PHF3: variants seen among roughly 807,000 people sequenced by gnomAD.
PHF3 encodes PHD finger protein 3.
A neutral mutation model predicts 178.4 loss-of-function variants in PHF3; 41 were observed. That is an observed-to-expected ratio of 0.23 (90% CI 0.18 to 0.30). PHF3 has a LOEUF of 0.30. PHF3 is among the 10% of genes least tolerant of loss of function. The pLI is 1.00. For synonymous variants in PHF3, 842 were observed against 800.5 expected (o/e 1.05, Z -0.88); for missense variants, 2,346 against 2,398.1 (o/e 0.98, Z 0.45).
At chr6:63,703,733 C>T in intron 11 of PHF3, 62 bp downstream of exon 11, 2 of 1,462,498 alleles carry the variant, frequency 1.4e-6, no homozygotes, top group Non-Finnish European at 1.9e-6. Flanking sequence ...TACTTAGATA[C>T]TAGTATATGT....
In PHF3 at chr6:63,673,691, C is replaced by T. The variant is rs146687607; in HGVS notation, c.245-6309C>T. 5.2e-3 allele frequency among the ~76,000 whole-genome samples: 784 copies of T among 152,228 alleles called. 11 individuals are homozygous for T. The highest frequency in any genetic ancestry group is 0.024 in the Middle Eastern group (7 of 294). On this transcript the variant is annotated intron_variant, in intron 2 of 15. Transcript: ENST00000262043. Reference sequence around the variant, plus strand: ...TGAAAAATCAAGGGGGCAGGGTACCCGCCTGAGACTGGAATGCCTCCCAGA... The same window carrying T: ...TGAAAAATCAAGGGGGCAGGGTACCTGCCTGAGACTGGAATGCCTCCCAGA...
rs972350395 is a variant in PHF3 at position 63,715,895 on chromosome 6, C to T, written c.*2187C>T. 6.6e-6 allele frequency among the ~76,000 whole-genome samples: 1 copy of T among 152,092 alleles called. No homozygotes were observed. Among genetic ancestry groups the T allele is most frequent in the African/African-American group, 2.4e-5 (1 of 41,430 alleles). The stretch of plus-strand genomic sequence containing the variant: ...CCAGGTACAACCAGCCTTACACAAA[C>T]TAGTGAATTACATGAATTTCATCTT... On this transcript the variant is annotated 3_prime_UTR_variant, in exon 16 of 16. Transcript: ENST00000262043.
chr6:63,685,073 T>G lies in PHF3; in HGVS notation c.1351T>G (p.Leu451Val), dbSNP rs755645412. Residue 451 changes from leucine (L) to valine (V), a missense_variant, in exon 4 of 16, where the codon TTG (leucine) becomes GTG (valine). Around this residue, in one of 8 missense-constraint regions of PHF3, gnomAD observed 843 missense variants for 795.2 expected, o/e 1.06. Coordinates refer to ENST00000262043, the MANE Select transcript of PHF3 (RefSeq NM_001370348.2). ...TGTGCCTGACCAAAATTCAAAACAG[T>G]TGAATGCTATAGAAAGTACTAAAAT... ...CDVPDQNSKQ[L>V]NAIESTKIES... 2 of 1,614,016 alleles carry G rather than the reference T, an allele frequency of 1.2e-6. No individual in the cohort carries two copies. The highest frequency in any genetic ancestry group is 1.1e-5 in the South Asian group (1 of 91,070).
chr6:63,713,793 T>C lies in PHF3; in HGVS notation c.*85T>C. On this transcript the variant is annotated 3_prime_UTR_variant, in exon 16 of 16. Transcript: ENST00000262043. ...ACAAAAGAAAGATTGCCTGCTAGGATTGTGCCATCTTTAAAATTTTTACTA... is the reference window on the plus strand; with the variant it reads ...ACAAAAGAAAGATTGCCTGCTAGGACTGTGCCATCTTTAAAATTTTTACTA... The C allele has an allele frequency of 8.6e-7, 1 of 1,168,084 alleles. No individual in the cohort carries two copies. Among genetic ancestry groups the C allele is most frequent in the Non-Finnish European group, 1.2e-6 (1 of 846,234 alleles). 72.4% of individuals were successfully genotyped at this position (1,168,084 alleles called of 1,614,324 possible).
intron 2 of PHF3, 31 bp from the exon 3 acceptor site, chr6:63,679,969 A>G (rs1375923367): frequency 5.1e-6 from 8 of 1,583,124 alleles, no homozygotes; most frequent in Non-Finnish European, 6.1e-6. Flanking sequence ...CAATATTTTT[A>G]AAAGTTAATT....
Position 63,684,176 on chromosome 6 carries a change from G to T in PHF3, c.454G>T (p.Ala152Ser), listed in dbSNP as rs34188763. The T allele has an allele frequency of 9.5e-4, 1,535 of 1,613,528 alleles. 14 individuals carry two copies. The African/African-American group carries it at 0.018, about 19-fold the overall frequency. Residue 152 changes from alanine (A) to serine (S), a missense_variant, in exon 4 of 16, where the codon GCA (alanine) becomes TCA (serine). By Grantham distance (99) the Ala-to-Ser change is moderately conservative. Coordinates refer to ENST00000262043, the MANE Select transcript of PHF3 (RefSeq NM_001370348.2). ...GAGCACTATTGCCAAGCGTTCAAAT[G>T]CAGCACCATTAAGTAACACAAAAAA... The part of the protein sequence containing the change: ...RQSTIAKRSN[A>S]APLSNTKKAS...
intron 2 of PHF3, among the ~76,000 whole-genome samples, chr6:63,674,375 G>A (rs538264423): frequency 2.7e-3 from 140 of 52,678 alleles, no homozygotes; most frequent in African/African-American, 0.011. Flanking sequence ...AAAATGTATC[G>A]TAAAGAAGGA....
intron 2 of PHF3, among the ~76,000 whole-genome samples, chr6:63,660,483 T>C (rs554652558): frequency 5.3e-5 from 8 of 152,344 alleles, no homozygotes; most frequent in Non-Finnish European, 7.3e-5. Context: ...ATGTCTGTTA[T>C]ATGCTAGGTA....
intron 1 of PHF3, among the ~76,000 whole-genome samples, chr6:63,644,498 G>A (rs1288000304): frequency 6.6e-6 from 1 of 152,082 alleles, no homozygotes; most frequent in African/African-American, 2.4e-5. Context: ...ATTCTTAAAG[G>A]AACTTGTCCT....
At chr6:63,683,255 TTC>T (rs1445004650) in intron 3 of PHF3, among the ~76,000 whole-genome samples, 1 of 152,066 alleles carries the variant, frequency 6.6e-6, no homozygotes, top group Non-Finnish European at 1.5e-5. Context: ...TTTTTAAAGA[TTC>T]TCACAGTTCA....
At chr6:63,647,290 C>T (rs551903475) in intron 2 of PHF3, among the ~76,000 whole-genome samples, 1 of 152,154 alleles carries the variant, frequency 6.6e-6, no homozygotes, top group African/African-American at 2.4e-5. Context: ...GTATTTTGTA[C>T]ATGTATCTTA....
At chr6:63,678,507 G>T (rs1415949309) in intron 2 of PHF3, among the ~76,000 whole-genome samples, 1 of 151,638 alleles carries the variant, frequency 6.6e-6, no homozygotes, top group Non-Finnish European at 1.5e-5. Context: ...TAGGAAAAAG[G>T]TATATTCTTA....
In PHF3 at chr6:63,715,724, T is replaced by G. The variant is rs909436303; in HGVS notation, c.*2016T>G. 6.6e-6 allele frequency among the ~76,000 whole-genome samples: 1 copy of G among 152,110 alleles called. No individual in the cohort carries two copies. ...AGCATCTCCAGGGGTTAGAGGCAGA[T>G]CTTGTAACCGCTGATTGACTGAAAC... is the stretch of plus-strand genomic sequence containing the variant. On this transcript the variant is annotated 3_prime_UTR_variant, in exon 16 of 16. Coordinates refer to ENST00000262043, the MANE Select transcript of PHF3 (RefSeq NM_001370348.2).
intron 2 of PHF3, among the ~76,000 whole-genome samples, chr6:63,649,510 A>G (rs1316768487): frequency 1.3e-5 from 2 of 152,186 alleles, no homozygotes; most frequent in Admixed American, 6.5e-5. Flanking sequence ...TAATTGCTAC[A>G]TCATCTTTTC....
chr6:63,668,042 G>A (rs192210179), intron 2 of PHF3, among the ~76,000 whole-genome samples: 14 of 152,290 alleles, frequency 9.2e-5, no homozygotes, highest in Admixed American at 8.5e-4. Context: ...TTCCTCATCA[G>A]CCTTTTTCCT....
At chr6:63,667,148 C>G (rs1298180721) in intron 2 of PHF3, among the ~76,000 whole-genome samples, 1 of 152,066 alleles carries the variant, frequency 6.6e-6, no homozygotes, top group Non-Finnish European at 1.5e-5. Flanking sequence ...TCAGCCTTCC[C>G]AAATATTTTT....
chr6:63,667,907 T>C (rs1765747597), intron 2 of PHF3, among the ~76,000 whole-genome samples: 1 of 152,244 alleles, frequency 6.6e-6, no homozygotes, highest in Admixed American at 6.5e-5. Flanking sequence ...GTTTATCATC[T>C]GACTCTTGAT....
At position 63,724,744 on chromosome 6, in the gene PHF3, T is replaced by C. The variant is rs1470161363; in HGVS notation, c.*11036T>C. On this transcript the variant is annotated 3_prime_UTR_variant, in exon 16 of 16. Transcript: ENST00000262043. ...ACACTACTTGAGAGTACTCAAATTATTAACCTCTAAAGAGATACAGAAACC... is the reference window on the plus strand; with the variant it reads ...ACACTACTTGAGAGTACTCAAATTACTAACCTCTAAAGAGATACAGAAACC... 6.6e-6 allele frequency among the ~76,000 whole-genome samples: 1 copy of C among 152,196 alleles called. No individual in the cohort carries two copies. Among genetic ancestry groups the C allele is most frequent in the African/African-American group, 2.4e-5 (1 of 41,460 alleles).
intron 2 of PHF3, among the ~76,000 whole-genome samples, chr6:63,662,202 G>A (rs1765496934): frequency 6.6e-6 from 1 of 152,110 alleles, no homozygotes; most frequent in Middle Eastern, 3.4e-3. Context: ...AACTGGTCCC[G>A]GGTGCCAAAA....
Sources: gnomAD v4.1 joint callset for allele counts (sites outside exome capture counted in the v4.1 genomes callset) on GRCh38, gnomAD v4.1.1 for gene constraint, gnomAD v4.1.1 regional missense constraint, MANE v1.5 for transcripts, NCBI Gene and HGNC (gene_info 2026-07-23, HGNC 2026-07-21) for gene names.